STK3: variants seen among roughly 807,000 people sequenced by gnomAD.
STK3 encodes the protein serine/threonine-protein kinase 3.
STK3 carries 41 observed loss-of-function variants against 58.0 expected under a neutral mutation model. The observed-to-expected ratio is 0.71, with a 90% confidence interval of 0.55 to 0.92. STK3 has a LOEUF of 0.92. Among genes scored for constraint, STK3 ranks in the 40% least tolerant of loss-of-function variants. The pLI is 0.00. For missense variants in STK3, 479 were observed against 602.7 expected, an observed-to-expected ratio of 0.79 and a Z score of 2.15; for synonymous variants, 170 against 191.0, an observed-to-expected ratio of 0.89 and a Z score of 0.91.
downstream of STK3, among the ~76,000 whole-genome samples, chr8:98,369,546 G>A (rs573708625): frequency 5.3e-5 from 8 of 152,112 alleles, no homozygotes; most frequent in Non-Finnish European, 1.2e-4. Flanking sequence ...AAAACAAAGG[G>A]CAGGCCTGGG....
chr8:98,392,034 T>C (rs1296845014), upstream of STK3, among the ~76,000 whole-genome samples: 1 of 152,200 alleles, frequency 6.6e-6, no homozygotes, highest in African/African-American at 2.4e-5. Flanking sequence ...TAAACATTAG[T>C]CATCTCCATA....
chr8:98,497,675 C>T (rs1823241991), intron 10 of STK3, among the ~76,000 whole-genome samples: 1 of 152,042 alleles, frequency 6.6e-6, no homozygotes, highest in Non-Finnish European at 1.5e-5. Flanking sequence ...TGCAAATGGA[C>T]AATAAGCACA....
At chr8:98,611,311 G>C (rs1344067651) in intron 6 of STK3, among the ~76,000 whole-genome samples, 1 of 151,300 alleles carries the variant, frequency 6.6e-6, no homozygotes, top group Non-Finnish European at 1.5e-5. Context: ...GAACAAAAAA[G>C]AAACAACTGA....
intron 7 of STK3, among the ~76,000 whole-genome samples, chr8:98,582,264 T>C (rs1193385898): frequency 2.0e-5 from 3 of 152,048 alleles, no homozygotes; most frequent in African/African-American, 7.2e-5. Context: ...ATCTGGTACA[T>C]TCATCTTTTT....
chr8:98,669,246 C>T (rs140323271), intron 6 of STK3, among the ~76,000 whole-genome samples: 176 of 152,194 alleles, frequency 1.2e-3, no homozygotes, highest in African/African-American at 3.9e-3. Flanking sequence ...CCACCCACCT[C>T]GGCCTCCCAA....
intron 6 of STK3, among the ~76,000 whole-genome samples, chr8:98,612,617 C>T (rs1817291429): frequency 6.6e-6 from 1 of 151,896 alleles, no homozygotes; most frequent in African/African-American, 2.4e-5. Context: ...GATAAGCCAA[C>T]AACCAGAAAA....
intron 3 of STK3, among the ~76,000 whole-genome samples, chr8:98,865,117 G>A (rs990582981): frequency 2.6e-5 from 4 of 152,144 alleles, no homozygotes; most frequent in East Asian, 1.9e-4. Flanking sequence ...GAGGCCAGGC[G>A]TGGTGGCTCA....
rs1037480996 is a variant in STK3, at chr8:98,800,214, C to A, written c.26+25301G>T. On this transcript the variant is annotated intron_variant, in intron 1 of 10. Coordinates refer to ENST00000419617, the MANE Select transcript of STK3 (RefSeq NM_006281.4). This position sits in a 1 kb window ranked among gnomAD's most constrained non-coding sequence, Gnocchi z 4.8. ...GCTACAGATGGTCTTACAAATGGAA[C>A]CTCAAATGAGTTCAACTAACAACTT... 7.2e-5 allele frequency among the ~76,000 whole-genome samples: 11 copies of A among 152,160 alleles called. No homozygotes were observed. The highest frequency in any genetic ancestry group is 2.7e-4 in the African/African-American group (11 of 41,434).
At chr8:98,874,588 T>C (rs528600874) in intron 3 of STK3, among the ~76,000 whole-genome samples, 2 of 152,088 alleles carry the variant, frequency 1.3e-5, no homozygotes, top group African/African-American at 4.8e-5. Flanking sequence ...TATCTATATA[T>C]AAACATATAT....
downstream of STK3, among the ~76,000 whole-genome samples, chr8:98,453,748 A>T (rs1239087845): frequency 6.6e-6 from 1 of 152,230 alleles, no homozygotes; most frequent in Admixed American, 6.5e-5. Flanking sequence ...TAGCAAACTG[A>T]AGAGAAATCA....
chr8:98,579,630 G>GA (rs771385452), intron 8 of STK3, 34 bp downstream of exon 8: 10 of 1,595,742 alleles, frequency 6.3e-6, no homozygotes, highest in South Asian at 5.7e-5. Context: ...TAACTCAGAA[G>GA]AAAAAAATCA....
rs1484900239 is a variant in STK3 at position 98,715,341 on chromosome 8, A to G, written c.352-8030T>C. Among the ~76,000 whole-genome samples, 6 of 152,136 alleles carry G rather than the reference A, an allele frequency of 3.9e-5. No homozygotes were observed. In the East Asian group the frequency reaches 1.2e-3, roughly 29 times the overall value. ...AGAAGAAACTACCATCAGAGTGAACAGGCAACCTACAGAATGGGAGAAAAT... is the reference window on the plus strand; with the variant it reads ...AGAAGAAACTACCATCAGAGTGAACGGGCAACCTACAGAATGGGAGAAAAT... On this transcript the variant is annotated intron_variant, in intron 4 of 10. Coordinates refer to ENST00000419617, the MANE Select transcript of STK3 (RefSeq NM_006281.4).
At chr8:98,884,711 C>A (rs1267912448) in intron 1 of STK3, among the ~76,000 whole-genome samples, 1 of 152,100 alleles carries the variant, frequency 6.6e-6, no homozygotes, top group Non-Finnish European at 1.5e-5. Flanking sequence ...GAATGTATCC[C>A]AGTTGTAACT....
At chr8:98,720,969 G>T in intron 4 of STK3, 1 of 437,656 alleles carries the variant, frequency 2.3e-6, no homozygotes, top group Non-Finnish European at 3.0e-6. Context: ...ATCAGACAGA[G>T]TACCTGCCCC....
intron 10 of STK3, among the ~76,000 whole-genome samples, chr8:98,508,654 GTTT>G (rs1368043364): frequency 6.6e-6 from 1 of 152,082 alleles, no homozygotes. Context: ...TCTCAATAAA[GTTT>G]TTATTAAAAA....
At chr8:98,410,478 T>G (rs1047321730) in intron 3 of STK3, among the ~76,000 whole-genome samples, 1 of 152,152 alleles carries the variant, frequency 6.6e-6, no homozygotes, top group African/African-American at 2.4e-5. Flanking sequence ...GTTGAATAAA[T>G]GAAGGAAGGA....
exon 1 of STK3, chr8:98,942,425 C>G (rs1342066846): frequency 6.6e-6 from 1 of 152,292 alleles, no homozygotes; most frequent in Non-Finnish European, 1.5e-5. Flanking sequence ...GTGGCCCAGA[C>G]TCCATTTTGG....
At chr8:98,529,296 C>T (rs570952949) in intron 9 of STK3, among the ~76,000 whole-genome samples, 3 of 151,942 alleles carry the variant, frequency 2.0e-5, no homozygotes, top group Non-Finnish European at 4.4e-5. Flanking sequence ...GGGGGGGGGA[C>T]GGAGATTGAA....
intron 3 of STK3, among the ~76,000 whole-genome samples, chr8:98,850,381 C>T (rs928942550): frequency 6.6e-6 from 1 of 152,172 alleles, no homozygotes; most frequent in Admixed American, 6.5e-5. Flanking sequence ...GGGTATTGGG[C>T]TGGGACAAGG....
Sources: gnomAD v4.1 joint callset for allele counts (sites outside exome capture counted in the v4.1 genomes callset) on GRCh38, gnomAD v4.1.1 for gene constraint, Gnocchi (gnomAD v3.1) non-coding constraint, MANE v1.5 for transcripts, NCBI Gene and HGNC (gene_info 2026-07-23, HGNC 2026-07-21) for gene names.